Variants in RBM24 observed in about 807,000 individuals in gnomAD.
RBM24 encodes the protein RNA-binding protein 24.
A neutral mutation model predicts 23.6 loss-of-function variants in RBM24; 5 were observed. The ratio of observed to expected loss-of-function variants is 0.21; its 90% CI spans 0.11 to 0.45. RBM24 has a LOEUF of 0.45. Ranked by LOEUF, RBM24 falls within the 20% of genes least tolerant of loss-of-function variation. The pLI, the probability that RBM24 is intolerant of heterozygous loss-of-function variation, is 0.99. For missense variants in RBM24, 252 were observed against 314.6 expected (o/e 0.80, Z 1.51); for synonymous variants, 151 against 129.5 (o/e 1.17, Z -1.13).
At chr6:17,290,757 T>A in intron 3 of RBM24, 1 of 820,742 alleles carries the variant, frequency 1.2e-6, no homozygotes, top group South Asian at 1.5e-5. Context: ...AAATTTCTAT[T>A]AATTTTAGAA....
In RBM24 at chr6:17,292,297, A is replaced by G. The variant is rs1760394472; in HGVS notation, c.*178A>G. On this transcript the variant is annotated 3_prime_UTR_variant, in exon 4 of 4. Coordinates refer to ENST00000379052, the MANE Select transcript of RBM24 (RefSeq NM_001143942.2). Reference sequence around the variant, plus strand: ...CCAGGTAGTGTTCTAGATGAGAAAGAGGTAAGAATGAGGGGAATGGGCACA... The same window carrying G: ...CCAGGTAGTGTTCTAGATGAGAAAGGGGTAAGAATGAGGGGAATGGGCACA... The G allele has an allele frequency of 1.9e-6, 1 of 519,738 alleles. No homozygotes were observed. Among genetic ancestry groups the G allele is most frequent in the Non-Finnish European group, 3.0e-6 (1 of 331,646 alleles). 32.2% of individuals were successfully genotyped at this position (519,738 alleles called of 1,614,324 possible).
chr6:17,283,106 A>G lies in RBM24; in HGVS notation c.292+178A>G, dbSNP rs1760080082. On this transcript the variant is annotated intron_variant, in intron 2 of 3. Coordinates refer to ENST00000379052, the MANE Select transcript of RBM24 (RefSeq NM_001143942.2). ...AATGAGAGTTGTAAATACTCCTCTCAAGGCTTGAAATGTACCTGTGTGCAA... is the reference window on the plus strand; with the variant it reads ...AATGAGAGTTGTAAATACTCCTCTCGAGGCTTGAAATGTACCTGTGTGCAA... 5.3e-6 allele frequency: 3 copies of G among 562,166 alleles called. No individual in the cohort carries two copies. The Admixed American group carries it at 9.0e-5, about 17-fold the overall frequency. The allele number at this position is 562,166 out of a possible 1,614,324, so 34.8% of individuals were successfully genotyped here.
At chr6:17,282,774 G>A (rs1202709718) in intron 1 of RBM24, 31 bp from the exon 2 acceptor site, 1 of 1,613,116 alleles carries the variant, frequency 6.2e-7, no homozygotes, top group African/African-American at 1.3e-5. Context: ...TAGAGGTTAT[G>A]TATGTATGTC....
chr6:17,290,170 A>C, intron 3 of RBM24: 1 of 1,101,556 alleles, frequency 9.1e-7, no homozygotes, highest in South Asian at 1.3e-5. Context: ...TTTCAGTAAA[A>C]CTCTGAAAAG....
At chr6:17,290,079 G>A in intron 3 of RBM24, 1 of 1,289,362 alleles carries the variant, frequency 7.8e-7, no homozygotes, top group South Asian at 1.2e-5. Context: ...GTAAAATTGA[G>A]TGTATTTTTA....
Position 17,281,869 on chromosome 6 carries a change from C to A in RBM24, c.168+120C>A. ...GAGGAGCCCCGCGGGTAGAGCGGCG[C>A]TGCCCCTTCGCTCCGGGGTGAACTG... On this transcript the variant is annotated intron_variant, in intron 1 of 3. Coordinates refer to ENST00000379052, the MANE Select transcript of RBM24 (RefSeq NM_001143942.2). This position sits in a 1 kb window ranked among gnomAD's most constrained non-coding sequence, Gnocchi z 7.1. The A allele has an allele frequency of 2.6e-5, 36 of 1,390,790 alleles. No homozygotes were observed. The highest frequency in any genetic ancestry group is 3.4e-5 in the Non-Finnish European group (35 of 1,021,352). 86.2% of individuals were successfully genotyped at this position (1,390,790 alleles called of 1,614,324 possible). A position where few individuals can be genotyped will look rare whatever the true frequency, so the allele number is the denominator to read the frequency against.
At position 17,291,915 on chromosome 6, in the gene RBM24, CGCT is replaced by C; in HGVS notation, c.513_515del (p.Ala172del). Reference sequence around the variant, plus strand: ...CAGCAGCTGCTGCTGCTGCCGCCGCCGCTGCTGCCTATGACCAGTACCCCTATG... The same window carrying C: ...CAGCAGCTGCTGCTGCTGCCGCCGCCGCTGCCTATGACCAGTACCCCTATG... On this transcript the variant is annotated inframe_deletion, in exon 4 of 4. Transcript: ENST00000379052. 6.2e-7 allele frequency: 1 copy of C among 1,613,068 alleles called. No individual in the cohort carries two copies. The highest frequency in any genetic ancestry group is 8.5e-7 in the Non-Finnish European group (1 of 1,179,634).
chr6:17,289,530 G>A (rs1760292434), intron 3 of RBM24: 2 of 985,408 alleles, frequency 2.0e-6, no homozygotes, highest in Non-Finnish European at 2.4e-6. Flanking sequence ...AACCTTGCCT[G>A]TCTTTTAATG....
At chr6:17,289,911 G>A in intron 3 of RBM24, 2 of 1,274,008 alleles carry the variant, frequency 1.6e-6, no homozygotes, top group Non-Finnish European at 2.0e-6. Flanking sequence ...CACACCTGTT[G>A]TTGCGAGTGA....
chr6:17,293,475 G>T lies in RBM24; in HGVS notation c.*1356G>T, dbSNP rs542115008. 2 of 152,362 alleles carry T rather than the reference G, an allele frequency of 1.3e-5. No individual in the cohort carries two copies. The highest frequency in any genetic ancestry group is 2.1e-4 in the South Asian group (1 of 4,814). 9.4% of individuals were successfully genotyped at this position (152,362 alleles called of 1,614,324 possible). On this transcript the variant is annotated 3_prime_UTR_variant, in exon 4 of 4. Transcript: ENST00000379052. ...TAGATTTTTTTTTAAACGATATATT[G>T]CTAGTTTCATGCTTCCTCCTCTGAT...
chr6:17,286,453 A>G (rs1760201305), intron 3 of RBM24, among the ~76,000 whole-genome samples: 1 of 152,348 alleles, frequency 6.6e-6, no homozygotes. Flanking sequence ...TGAAACAGTT[A>G]TAAAATTGAA....
intron 3 of RBM24, among the ~76,000 whole-genome samples, chr6:17,291,196 G>A (rs956180199): frequency 1.3e-5 from 2 of 152,150 alleles, no homozygotes; most frequent in African/African-American, 4.8e-5. Context: ...AGATTAATGT[G>A]TGCTGAGTCT....
At chr6:17,290,997 G>A in intron 3 of RBM24, 1 of 682,640 alleles carries the variant, frequency 1.5e-6, no homozygotes, top group African/African-American at 1.8e-5. Context: ...TGCCATGAAT[G>A]TTAATAGCAT....
chr6:17,282,150 AG>A, intron 1 of RBM24: 1 of 1,239,282 alleles, frequency 8.1e-7, no homozygotes, highest in Non-Finnish European at 1.0e-6. Flanking sequence ...TGGCTGGGGC[AG>A]GGAGGGGACA....
At chr6:17,282,185 C>T (rs1270023308) in intron 1 of RBM24, 1 of 1,282,842 alleles carries the variant, frequency 7.8e-7, no homozygotes, top group Non-Finnish European at 1.0e-6. Flanking sequence ...GGGGCTGTTG[C>T]CCTTGTGTCA....
chr6:17,286,928 C>G (rs1020955047), intron 3 of RBM24, among the ~76,000 whole-genome samples: 5 of 152,200 alleles, frequency 3.3e-5, no homozygotes, highest in African/African-American at 9.6e-5. Flanking sequence ...AGGAAAATTA[C>G]AACCACCAGT....
At chr6:17,287,224 A>G (rs1306713315) in intron 3 of RBM24, among the ~76,000 whole-genome samples, 1 of 152,136 alleles carries the variant, frequency 6.6e-6, no homozygotes, top group Non-Finnish European at 1.5e-5. Flanking sequence ...ACATGTTCCT[A>G]TTTTAGGCCT....
chr6:17,284,974 G>A (rs913544224), intron 3 of RBM24: 1 of 327,548 alleles, frequency 3.1e-6, no homozygotes, highest in African/African-American at 2.1e-5. Context: ...TATGACTTGT[G>A]TACAAGACGA....
Position 17,282,123 on chromosome 6 carries a change from C to G in RBM24, c.168+374C>G, listed in dbSNP as rs1039464083. The G allele has an allele frequency of 3.3e-6, 4 of 1,218,070 alleles. No homozygotes were observed. In the South Asian group the frequency reaches 4.5e-5, roughly 14 times the overall value. 75.5% of individuals were successfully genotyped at this position (1,218,070 alleles called of 1,614,324 possible). A position where few individuals can be genotyped will look rare whatever the true frequency, so the allele number is the denominator to read the frequency against. On this transcript the variant is annotated intron_variant, in intron 1 of 3. Coordinates refer to ENST00000379052, the MANE Select transcript of RBM24 (RefSeq NM_001143942.2). ...AGCGCGCTGTTGCTTTGTAAAAATG[C>G]GTGTGTTCTGGTGTTTTGGCTGGGG...
Sources: allele counts gnomAD v4.1 joint callset (sites outside exome capture counted in the v4.1 genomes callset), GRCh38; gene constraint gnomAD v4.1.1; non-coding constraint Gnocchi (gnomAD v3.1); transcripts MANE v1.5; gene names NCBI Gene and HGNC (gene_info 2026-07-23, HGNC 2026-07-21).